GALNT18: variants seen among roughly 807,000 people sequenced by gnomAD.
GALNT18 encodes the protein GalNAc-transferase 18.
GALNT18 carries 44 observed loss-of-function variants against 69.5 expected under a neutral mutation model. The observed-to-expected ratio is 0.63, with a 90% CI of 0.50 to 0.81. The LOEUF is 0.81. GALNT18 is among the 40% of genes least tolerant of loss of function. The pLI, the probability that GALNT18 is intolerant of heterozygous loss-of-function variation, is 0.00. For synonymous variants in GALNT18, 364 were observed against 318.2 expected (o/e 1.14, Z -1.53); for missense variants, 715 against 810.0 (o/e 0.88, Z 1.42).
At chr11:11,499,491 G>C (rs1323840431) in intron 1 of GALNT18, among the ~76,000 whole-genome samples, 1 of 151,784 alleles carries the variant, frequency 6.6e-6, no homozygotes, top group East Asian at 1.9e-4. Context: ...AGCTGCATCA[G>C]CATTTGCCCT....
At chr11:11,394,856 T>C (rs1013277321) in intron 3 of GALNT18, among the ~76,000 whole-genome samples, 1 of 152,210 alleles carries the variant, frequency 6.6e-6, no homozygotes. Flanking sequence ...TCACTTCCCC[T>C]GAACATTCTG....
At chr11:11,519,491 A>G (rs1413157601) in intron 1 of GALNT18, among the ~76,000 whole-genome samples, 1 of 152,180 alleles carries the variant, frequency 6.6e-6, no homozygotes, top group African/African-American at 2.4e-5. Context: ...GTCCGTAGAG[A>G]TCAGCCTTCT....
chr11:11,455,473 G>T (rs1028284795), intron 1 of GALNT18, among the ~76,000 whole-genome samples: 3 of 152,136 alleles, frequency 2.0e-5, no homozygotes, highest in African/African-American at 7.2e-5. Context: ...TGAAGAATAA[G>T]TGCAATCCTC....
At chr11:11,472,284 A>G (rs2133855338) in intron 1 of GALNT18, among the ~76,000 whole-genome samples, 1 of 152,296 alleles carries the variant, frequency 6.6e-6, no homozygotes, top group South Asian at 2.1e-4. Flanking sequence ...CTTGCTCAGG[A>G]CAGGTCTGGG....
In GALNT18 at chr11:11,302,916, T is replaced by C. The variant is rs964049775; in HGVS notation, c.1513-9723A>G. Among the ~76,000 whole-genome samples, 8 of 152,272 alleles carry C rather than the reference T, an allele frequency of 5.3e-5. 1 individual carries two copies. The South Asian group carries it at 1.2e-3, about 24-fold the overall frequency. ...GAAGACCATCATCAGATGTGGAACA[T>C]AGCAAGGATGTGGTGACAATCCCCC... On this transcript the variant is annotated intron_variant, in intron 9 of 10. Transcript: ENST00000227756.
At chr11:11,405,936 T>C (rs1035085183) in intron 3 of GALNT18, among the ~76,000 whole-genome samples, 4 of 152,188 alleles carry the variant, frequency 2.6e-5, no homozygotes, top group African/African-American at 9.6e-5. Context: ...TTTTAGCACC[T>C]TCAACATGGT....
rs116972459 is a variant in GALNT18, at chr11:11,331,863, A to G, written c.1416+831T>C. 9.4e-3 allele frequency among the ~76,000 whole-genome samples: 1,425 copies of G among 152,320 alleles called. 17 individuals are homozygous for G. Among genetic ancestry groups the G allele is most frequent in the Non-Finnish European group, 0.013 (861 of 68,018 alleles). ...CAGGCGAGATAGCCAAAAATCAATCAAAATACCATTTAAAATACCTTACGG... is the reference window on the plus strand; with the variant it reads ...CAGGCGAGATAGCCAAAAATCAATCGAAATACCATTTAAAATACCTTACGG... On this transcript the variant is annotated intron_variant, in intron 8 of 10. Transcript: ENST00000227756.
At chr11:11,323,320 T>A (rs191756934) in intron 9 of GALNT18, among the ~76,000 whole-genome samples, 1 of 152,206 alleles carries the variant, frequency 6.6e-6, no homozygotes, top group East Asian at 1.9e-4. Context: ...ATTAGATAAG[T>A]CATGTGGTTC....
At chr11:11,357,611 CT>C (rs1850558310) in intron 6 of GALNT18, among the ~76,000 whole-genome samples, 1 of 152,210 alleles carries the variant, frequency 6.6e-6, no homozygotes, top group African/African-American at 2.4e-5. Flanking sequence ...GGTTCACAGG[CT>C]TTGGACAGAA....
rs1018407647 is a variant in GALNT18 at position 11,500,829 on chromosome 11, C to T, written c.236-51893G>A. ...GAAGGTAAAAAGGCCGGGCACAGCA[C>T]CAGGCTCTCCCCAAACCTGGGAGTT... On this transcript the variant is annotated intron_variant, in intron 1 of 10. Coordinates refer to ENST00000227756, the MANE Select transcript of GALNT18 (RefSeq NM_198516.3). The surrounding 1 kb of genome is among the most constrained non-coding windows in gnomAD (Gnocchi z 5.0). Among the ~76,000 whole-genome samples the T allele has an allele frequency of 6.6e-6, 1 of 152,244 alleles. No individual in the cohort carries two copies. Among genetic ancestry groups the T allele is most frequent in the African/African-American group, 2.4e-5 (1 of 41,462 alleles).
chr11:11,566,709 C>CT lies in GALNT18; in HGVS notation c.235+54649dup, dbSNP rs533722110. Among the ~76,000 whole-genome samples, 692 of 152,240 alleles carry CT rather than the reference C, an allele frequency of 4.5e-3. 7 individuals are homozygous for CT. The highest frequency in any genetic ancestry group is 8.0e-3 in the Non-Finnish European group (545 of 68,016). Reference sequence around the variant, plus strand: ...GATGTTCCTTGCATTATTCTTGCAACTTTTTTGTAAACTTGAAATCTTTTG... The same window carrying CT: ...GATGTTCCTTGCATTATTCTTGCAACTTTTTTTGTAAACTTGAAATCTTTTG... On this transcript the variant is annotated intron_variant, in intron 1 of 10. Coordinates refer to ENST00000227756, the MANE Select transcript of GALNT18 (RefSeq NM_198516.3).
At chr11:11,522,089 C>G (rs112515862) in intron 1 of GALNT18, among the ~76,000 whole-genome samples, 6 of 152,230 alleles carry the variant, frequency 3.9e-5, no homozygotes, top group African/African-American at 1.4e-4. Flanking sequence ...TGACTTCTAC[C>G]CACCCTAGGA....
At chr11:11,299,944 C>A (rs1028459363) in intron 9 of GALNT18, among the ~76,000 whole-genome samples, 2 of 152,182 alleles carry the variant, frequency 1.3e-5, no homozygotes, top group Non-Finnish European at 2.9e-5. Flanking sequence ...ACCTCAATAC[C>A]TATGTTATGC....
chr11:11,559,377 C>G (rs1225728573), intron 1 of GALNT18, among the ~76,000 whole-genome samples: 1 of 152,202 alleles, frequency 6.6e-6, no homozygotes, highest in African/African-American at 2.4e-5. Flanking sequence ...CATCACACCC[C>G]AACTGTCTGC....
intron 1 of GALNT18, among the ~76,000 whole-genome samples, chr11:11,551,217 C>T (rs183256611): frequency 7.5e-4 from 114 of 152,166 alleles, no homozygotes; most frequent in African/African-American, 2.6e-3. Flanking sequence ...ACATTTCTCT[C>T]TGAGGAAAAT....
chr11:11,592,199 T>C lies in GALNT18; in HGVS notation c.235+29160A>G, dbSNP rs1407907143. ...CAAGTCCCTAGAAACATCATCAATCTGTCTCTGGCAGGCGTTTTTCTATTT... is the reference window on the plus strand; with the variant it reads ...CAAGTCCCTAGAAACATCATCAATCCGTCTCTGGCAGGCGTTTTTCTATTT... On this transcript the variant is annotated intron_variant, in intron 1 of 10. Transcript: ENST00000227756. The surrounding 1 kb of genome is among the most constrained non-coding windows in gnomAD (Gnocchi z 5.9). 6.6e-6 allele frequency among the ~76,000 whole-genome samples: 1 copy of C among 152,176 alleles called. No homozygotes were observed. The highest frequency in any genetic ancestry group is 2.4e-5 in the African/African-American group (1 of 41,452).
rs544205509 is a variant in GALNT18, at chr11:11,503,143, T to A, written c.236-54207A>T. Among the ~76,000 whole-genome samples, 31 of 152,286 alleles carry A rather than the reference T, an allele frequency of 2.0e-4. No individual in the cohort carries two copies. The South Asian group carries it at 6.4e-3, about 32-fold the overall frequency. On this transcript the variant is annotated intron_variant, in intron 1 of 10. Transcript: ENST00000227756. ...CCCTGAGGAAGTAGACGGATTTTAG[T>A]ACAAAGAATCGTGAGTGGGGACCAG... is the stretch of plus-strand genomic sequence containing the variant.
chr11:11,500,532 T>C lies in GALNT18; in HGVS notation c.236-51596A>G, dbSNP rs1856953622. On this transcript the variant is annotated intron_variant, in intron 1 of 10. Transcript: ENST00000227756. This position sits in a 1 kb window ranked among gnomAD's most constrained non-coding sequence, Gnocchi z 5.0. ...GTGGTGGGTGGATGGAGATGCGCCATGGGCATCTCTCAGTAGAAGGCAGCA... is the reference window on the plus strand; with the variant it reads ...GTGGTGGGTGGATGGAGATGCGCCACGGGCATCTCTCAGTAGAAGGCAGCA... Among the ~76,000 whole-genome samples the C allele has an allele frequency of 6.6e-6, 1 of 152,176 alleles. No homozygotes were observed. The highest frequency in any genetic ancestry group is 1.5e-5 in the Non-Finnish European group (1 of 68,044).
chr11:11,451,352 A>G (rs563706807), intron 1 of GALNT18, among the ~76,000 whole-genome samples: 1 of 152,370 alleles, frequency 6.6e-6, no homozygotes, highest in African/African-American at 2.4e-5. Context: ...TCGAATACCT[A>G]AGTGGATATT....
Sources: allele counts gnomAD v4.1 joint callset (sites outside exome capture counted in the v4.1 genomes callset), GRCh38; gene constraint gnomAD v4.1.1; non-coding constraint Gnocchi (gnomAD v3.1); transcripts MANE v1.5; gene names NCBI Gene and HGNC (gene_info 2026-07-23, HGNC 2026-07-21).